The following CSPG4 variants were observed in gnomAD, a reference collection of about 807,000 sequenced individuals.
CSPG4 encodes the protein chondroitin sulfate proteoglycan 4.
CSPG4 carries 74 observed loss-of-function variants against 139.3 expected under a neutral mutation model. The ratio of observed to expected loss-of-function variants is 0.53; its 90% CI spans 0.44 to 0.64. CSPG4 has a LOEUF of 0.64. Ranked by LOEUF, CSPG4 falls within the 30% of genes least tolerant of loss-of-function variation. The probability of loss-of-function intolerance (pLI) is 0.00; values close to 1 mark genes in which losing one functional copy is unlikely to be tolerated. For missense variants in CSPG4, 2,565 were observed against 3,148.3 expected, an observed-to-expected ratio of 0.81 and a Z score of 4.43; for synonymous variants, 1,234 against 1,394.2, an observed-to-expected ratio of 0.89 and a Z score of 2.56.
At position 75,687,697 on chromosome 15, in the gene CSPG4, G is replaced by C. The variant is rs764703534; in HGVS notation, c.3368C>G (p.Ser1123Trp). ...QATALLEVQA[S>W]EPYLRVANGS... ...GTTGGCCACACGGAGGTAGGGTTCC[G>C]AGGCCTGCACCTCCAGCAGCGCAGT... Residue 1123 changes from serine to tryptophan, a missense_variant, in exon 3 of 10, where the codon TCG (serine) becomes TGG (tryptophan). Physicochemically the swap from Ser to Trp is radical, Grantham distance 177. Coordinates refer to ENST00000308508, the MANE Select transcript of CSPG4 (RefSeq NM_001897.5). This position sits in a 1 kb window ranked among gnomAD's most constrained non-coding sequence, Gnocchi z 5.4. The C allele has an allele frequency of 6.2e-7, 1 of 1,612,906 alleles. No individual in the cohort carries two copies. The highest frequency in any genetic ancestry group is 2.2e-5 in the East Asian group (1 of 44,888).
intron 8 of CSPG4, 62 bp from the exon 9 acceptor site, chr15:75,677,948 C>A: frequency 1.3e-6 from 2 of 1,482,242 alleles, no homozygotes; most frequent in Non-Finnish European, 1.8e-6. Flanking sequence ...AGACACTGAG[C>A]ACTTTTGTCT....
chr15:75,693,436 G>C (rs1380433928), intron 1 of CSPG4, among the ~76,000 whole-genome samples: 1 of 152,212 alleles, frequency 6.6e-6, no homozygotes, highest in Non-Finnish European at 1.5e-5. Context: ...CTCACCTTGT[G>C]TCCAGCCCAG....
At position 75,712,827 on chromosome 15, in the gene CSPG4, GCGC is replaced by G; in HGVS notation, c.-75_-73del. On this transcript the variant is annotated 5_prime_UTR_variant, in exon 1 of 10. Transcript: ENST00000308508. ...GGGAGCTGGGAGCTGAGTGGAGCGAGCGCGGCTCTGCTCCTGGGCGCGGGCCGG... is the reference window on the plus strand; with the variant it reads ...GGGAGCTGGGAGCTGAGTGGAGCGAGGGCTCTGCTCCTGGGCGCGGGCCGG... 1.3e-5 allele frequency: 17 copies of G among 1,322,782 alleles called. No individual in the cohort carries two copies. Among genetic ancestry groups the G allele is most frequent in the Non-Finnish European group, 1.7e-5 (17 of 987,750 alleles). 81.9% of individuals were successfully genotyped at this position (1,322,782 alleles called of 1,614,324 possible).
chr15:75,687,958 A>G lies in CSPG4; in HGVS notation c.3107T>C (p.Leu1036Pro). The change falls in exon 3 of 10, where the codon CTG becomes CCG. Residue 1036 changes from leucine (L) to proline (P), a missense_variant. Leu to Pro is a moderately conservative substitution (Grantham distance 98). Coordinates refer to ENST00000308508, the MANE Select transcript of CSPG4 (RefSeq NM_001897.5). This position sits in a 1 kb window ranked among gnomAD's most constrained non-coding sequence, Gnocchi z 5.4. ...IFHVARGGRR[L>P]LTTDDVAFSD... ...GAAGGCCACGTCGTCTGTAGTCAGC[A>G]GCCGCCGCCCACCCCGGGCCACATG... 6.2e-7 allele frequency: 1 copy of G among 1,612,828 alleles called. No individual in the cohort carries two copies. Among genetic ancestry groups the G allele is most frequent in the South Asian group, 1.1e-5 (1 of 91,078 alleles).
At position 75,689,112 on chromosome 15, in the gene CSPG4, C is replaced by T. The variant is rs77773913; in HGVS notation, c.1953G>A (p.Pro651=). 2,411 of 1,602,400 alleles carry T rather than the reference C, an allele frequency of 1.5e-3. 29 individuals are homozygous for T. The African/African-American group carries it at 0.027, about 18-fold the overall frequency. The change falls in exon 3 of 10, where the codon CCG becomes CCA. Residue 651 remains proline (P), a synonymous_variant. Coordinates refer to ENST00000308508, the MANE Select transcript of CSPG4 (RefSeq NM_001897.5). ...RVSDGLQASP[P]ATLKVVAIRP... ...GGATGGCCACCACCTTCAGCGTGGC[C>T]GGGGGGCTGGCCTGCAGTCCATCGC... is the stretch of plus-strand genomic sequence containing the variant.
intron 4 of CSPG4, 149 bp downstream of exon 4, chr15:75,685,070 G>A: frequency 8.0e-7 from 1 of 1,249,270 alleles, no homozygotes; most frequent in Non-Finnish European, 1.1e-6. Flanking sequence ...AGGAAGAAAA[G>A]ATATATGGTA....
In CSPG4 at chr15:75,687,394, G is replaced by A. The variant is rs1368294363; in HGVS notation, c.3671C>T (p.Ala1224Val). The change falls in exon 3 of 10, where the codon GCC becomes GTC. Residue 1224 changes from alanine to valine, a missense_variant. By Grantham distance (64) the Ala-to-Val change is moderately conservative. This residue lies in a region of CSPG4 where 2,316 missense variants were observed against 2,818.2 expected (regional missense o/e 0.82). Coordinates refer to ENST00000308508, the MANE Select transcript of CSPG4 (RefSeq NM_001897.5). This position sits in a 1 kb window ranked among gnomAD's most constrained non-coding sequence, Gnocchi z 5.4. ...SVEAGPVHTD[A>V]TLQVTIALEG... ...TAGGGCAATGGTCACTTGTAGGGTG[G>A]CATCCGTGTGCACTGGCCCTGCTTC... The A allele has an allele frequency of 1.7e-5, 27 of 1,612,832 alleles. No homozygotes were observed. The highest frequency in any genetic ancestry group is 2.3e-5 in the Non-Finnish European group (27 of 1,180,026).
rs1431358146 is a variant in CSPG4, at chr15:75,677,050, G to C, written c.5469C>G (p.Ile1823Met). The C allele has an allele frequency of 2.1e-6, 3 of 1,423,740 alleles. No homozygotes were observed. In the East Asian group the frequency reaches 7.8e-5, roughly 37 times the overall value. 88.2% of individuals were successfully genotyped at this position (1,423,740 alleles called of 1,614,324 possible). A position where few individuals can be genotyped will look rare whatever the true frequency, so the allele number is the denominator to read the frequency against. Residue 1823 changes from isoleucine to methionine, a missense_variant, in exon 10 of 10, where the codon ATC (isoleucine) becomes ATG (methionine). Coordinates refer to ENST00000308508, the MANE Select transcript of CSPG4 (RefSeq NM_001897.5). ...AGPQTSEAFAITVRDVNERPP... is the reference protein window; with the variant it reads ...AGPQTSEAFAMTVRDVNERPP... ...GCCGCTCATTTACATCCCTCACCGT[G>C]ATGGCAAAGGCCTCTGAGGTTTGGG...
Position 75,677,261 on chromosome 15 carries a change from T to A in CSPG4, c.5258A>T (p.Gln1753Leu). The A allele has an allele frequency of 6.7e-7, 1 of 1,496,136 alleles. No individual in the cohort carries two copies. Among genetic ancestry groups the A allele is most frequent in the African/African-American group, 1.4e-5 (1 of 71,646 alleles). 92.7% of individuals were successfully genotyped at this position (1,496,136 alleles called of 1,614,324 possible). A position where few individuals can be genotyped will look rare whatever the true frequency, so the allele number is the denominator to read the frequency against. Residue 1753 changes from glutamine to leucine, a missense_variant, in exon 10 of 10, where the codon CAG (glutamine) becomes CTG (leucine). Transcript: ENST00000308508. ...SEHDVLFQVTQFPSRGQLLVS... is the reference protein window; with the variant it reads ...SEHDVLFQVTLFPSRGQLLVS... ...CAACAGCTGGCCCCGGCTGGGGAAC[T>A]GTGTGACCTGGAAGAGCACATCATG...
rs1356172023 is a variant in CSPG4, at chr15:75,684,767, G to T, written c.4418C>A (p.Pro1473His). ...TVTVLPVNDQPPILTTNTGLQ... is the reference protein window; with the variant it reads ...TVTVLPVNDQHPILTTNTGLQ... ...GCCTGTGTTTGTAGTGAGGATGGGG[G>T]GTTGGTCATTGACAGGCAGGACAGT... is the stretch of plus-strand genomic sequence containing the variant. Residue 1473 changes from proline to histidine, a missense_variant, in exon 5 of 10, where the codon CCC becomes CAC. Physicochemically the swap from Pro to His is moderately conservative, Grantham distance 77. Around this residue, in one of 5 missense-constraint regions of CSPG4, gnomAD observed 2,316 missense variants for 2,818.2 expected, o/e 0.82. Transcript: ENST00000308508. 1.2e-6 allele frequency: 2 copies of T among 1,613,820 alleles called. No homozygotes were observed. Among genetic ancestry groups the T allele is most frequent in the Non-Finnish European group, 1.7e-6 (2 of 1,179,918 alleles).
chr15:75,711,093 G>A (rs1348409380), intron 1 of CSPG4, among the ~76,000 whole-genome samples: 2 of 152,112 alleles, frequency 1.3e-5, no homozygotes, highest in Non-Finnish European at 2.9e-5. Flanking sequence ...GCCCACCTTG[G>A]TGCCTCTGAG....
intron 8 of CSPG4, among the ~76,000 whole-genome samples, chr15:75,678,205 T>C (rs1425077492): frequency 6.6e-6 from 1 of 152,172 alleles, no homozygotes; most frequent in African/African-American, 2.4e-5. Flanking sequence ...GTGCACAGGA[T>C]CCTATCCCCT....
chr15:75,713,275 G>A (rs959402543), upstream of CSPG4, among the ~76,000 whole-genome samples: 4 of 152,174 alleles, frequency 2.6e-5, no homozygotes, highest in African/African-American at 9.7e-5. Context: ...GCTTTGCCTC[G>A]GAGGTCCCCT....
Position 75,689,107 on chromosome 15 carries a change from GTGGCCGGGGGGC to G in CSPG4, c.1946_1957del (p.Ser649_Ala652del). On this transcript the variant is annotated inframe_deletion, in exon 3 of 10. Transcript: ENST00000308508. ...CGGCCGGATGGCCACCACCTTCAGC[GTGGCCGGGGGGC>G]TGGCCTGCAGTCCATCGCTGACCCG... The G allele has an allele frequency of 6.2e-7, 1 of 1,603,664 alleles. No homozygotes were observed.
rs1894070665 is a variant in CSPG4 at position 75,687,159 on chromosome 15, A to G, written c.3789+117T>C. 3 of 1,225,604 alleles carry G rather than the reference A, an allele frequency of 2.4e-6. No individual in the cohort carries two copies. Among genetic ancestry groups the G allele is most frequent in the Admixed American group, 3.5e-5 (2 of 56,700 alleles). 75.9% of individuals were successfully genotyped at this position (1,225,604 alleles called of 1,614,324 possible). On this transcript the variant is annotated intron_variant, in intron 3 of 9. Coordinates refer to ENST00000308508, the MANE Select transcript of CSPG4 (RefSeq NM_001897.5). The surrounding 1 kb of genome is among the most constrained non-coding windows in gnomAD (Gnocchi z 5.4). ...GGGAGCACATCTGAGGCACGTGCAC[A>G]CATGTAACCTGGAGCCACCACAGCC... is the stretch of plus-strand genomic sequence containing the variant.
Position 75,687,759 on chromosome 15 carries a change from C to T in CSPG4, c.3306G>A (p.Trp1102Ter). ...LFVHSGADRG[W>*]IQLQVSDGQH... ...GCCCGTCGGACACCTGCAGCTGGAT[C>T]CAGCCACGGTCAGCCCCTGAGTGCA... Residue 1102 changes from tryptophan to a stop codon, truncating the protein, a stop_gained, in exon 3 of 10, where the codon TGG becomes TGA. Transcript: ENST00000308508. LOFTEE classifies it high-confidence loss of function. The surrounding 1 kb of genome is among the most constrained non-coding windows in gnomAD (Gnocchi z 5.4). The T allele has an allele frequency of 6.2e-7, 1 of 1,612,960 alleles. No individual in the cohort carries two copies. Among genetic ancestry groups the T allele is most frequent in the African/African-American group, 1.3e-5 (1 of 75,062 alleles).
At position 75,675,219 on chromosome 15, in the gene CSPG4, G is replaced by GA. The variant is rs1893872556; in HGVS notation, c.*330dup. The GA allele has an allele frequency of 1.3e-5, 4 of 301,148 alleles. No homozygotes were observed. Among genetic ancestry groups the GA allele is most frequent in the Non-Finnish European group, 2.4e-5 (4 of 164,510 alleles). The allele number at this position is 301,148 out of a possible 1,614,324, so 18.7% of individuals were successfully genotyped here. On this transcript the variant is annotated 3_prime_UTR_variant, in exon 10 of 10. Transcript: ENST00000308508. ...CAGGCGCGACTTACCCAAGGTCACA[G>GA]ACCCAGGACCCAGAGTCATGACCCA...
intron 1 of CSPG4, among the ~76,000 whole-genome samples, chr15:75,702,021 C>T (rs891741839): frequency 2.6e-5 from 4 of 152,258 alleles, no homozygotes; most frequent in African/African-American, 7.2e-5. Flanking sequence ...GGCTGGCCAC[C>T]GTCCTCGGTC....
At chr15:75,701,563 G>T (rs940098698) in intron 1 of CSPG4, among the ~76,000 whole-genome samples, 1 of 152,114 alleles carries the variant, frequency 6.6e-6, no homozygotes, top group Non-Finnish European at 1.5e-5. Flanking sequence ...CCTGCCAACT[G>T]CCTGGAAGCC....
Sources: gnomAD v4.1 joint callset for allele counts (sites outside exome capture counted in the v4.1 genomes callset) on GRCh38, gnomAD v4.1.1 for gene constraint, gnomAD v4.1.1 regional missense constraint, Gnocchi (gnomAD v3.1) non-coding constraint, MANE v1.5 for transcripts, NCBI Gene and HGNC (gene_info 2026-07-23, HGNC 2026-07-21) for gene names.